ARAP1: variants seen among roughly 807,000 people sequenced by gnomAD.
The protein encoded by ARAP1 is ArfGAP with RhoGAP domain, ankyrin repeat and PH domain 1.
A neutral mutation model predicts 172.2 loss-of-function variants in ARAP1; 76 were observed. The ratio of observed to expected loss-of-function variants is 0.44; its 90% confidence interval spans 0.37 to 0.53. The LOEUF (loss-of-function observed/expected upper bound fraction) is 0.53, where lower values mean the gene tolerates loss of function less well. Among genes scored for constraint, ARAP1 ranks in the 20% least tolerant of loss-of-function variants. The probability of loss-of-function intolerance (pLI) is 0.00; values close to 1 mark genes in which losing one functional copy is unlikely to be tolerated. For synonymous variants in ARAP1, 804 were observed against 803.3 expected, an observed-to-expected ratio of 1.00 and a Z score of -0.01; for missense variants, 1,686 against 1,977.5, an observed-to-expected ratio of 0.85 and a Z score of 2.80.
At position 72,712,295 on chromosome 11, in the gene ARAP1, G is replaced by A; in HGVS notation, c.923C>T (p.Thr308Ile). 6.3e-7 allele frequency: 1 copy of A among 1,586,356 alleles called. No individual in the cohort carries two copies. The highest frequency in any genetic ancestry group is 8.6e-7 in the Non-Finnish European group (1 of 1,163,972). ...TSSLSLSLPSTIAAPHPMDGP... is the reference protein window; with the variant it reads ...TSSLSLSLPSIIAAPHPMDGP... ...GTCCATGGGGTGTGGCGCAGCTATT[G>A]TGCTGGGCAAGGACAAGCTCAGGCT... Residue 308 changes from threonine (T) to isoleucine (I), a missense_variant, in exon 7 of 35, where the codon ACA becomes ATA. Thr to Ile is a moderately conservative substitution (Grantham distance 89, BLOSUM62 -1). Around this residue, in one of 5 missense-constraint regions of ARAP1, gnomAD observed 688 missense variants for 856.9 expected, o/e 0.80. Transcript: ENST00000393609.
intron 12 of ARAP1, 35 bp from the exon 13 acceptor site, chr11:72,705,925 G>GC (rs747911774): frequency 6.2e-6 from 10 of 1,608,278 alleles, no homozygotes; most frequent in East Asian, 2.2e-5. Context: ...AATCACCTGG[G>GC]CCCCCCCTTC....
At chr11:72,687,596 C>T in intron 32 of ARAP1, 92 bp downstream of exon 32, 2 of 1,612,270 alleles carry the variant, frequency 1.2e-6, no homozygotes, top group Non-Finnish European at 8.5e-7. Context: ...TGCTAGTGGT[C>T]ACAGATCTGG....
At chr11:72,720,573 C>A (rs1857465850) in intron 3 of ARAP1, among the ~76,000 whole-genome samples, 1 of 152,128 alleles carries the variant, frequency 6.6e-6, no homozygotes, top group South Asian at 2.1e-4. Context: ...ATGACCACCA[C>A]CCTACTCGCA....
intron 2 of ARAP1, among the ~76,000 whole-genome samples, 173 bp downstream of exon 2, chr11:72,732,342 T>A (rs1201202728): frequency 6.6e-6 from 1 of 152,180 alleles, no homozygotes; most frequent in African/African-American, 2.4e-5. Context: ...CAAGGCCTGC[T>A]GGGAGGCTCG....
rs1857003198 is a variant in ARAP1, at chr11:72,711,351, G to A, written c.1092+79C>T. ...GAACTCTGGCGAGGACTCCTCTGGG[G>A]AGGGACGCCACCTCGCTCCAGTGTT... On this transcript the variant is annotated intron_variant, in intron 8 of 34. Coordinates refer to ENST00000393609, the MANE Select transcript of ARAP1 (RefSeq NM_001040118.3). The A allele has an allele frequency of 9.1e-6, 14 of 1,540,256 alleles. No individual in the cohort carries two copies. The East Asian group carries it at 3.0e-4, about 32-fold the overall frequency.
At position 72,687,450 on chromosome 11, in the gene ARAP1, G is replaced by T. The variant is rs1473956406; in HGVS notation, c.4174C>A (p.Leu1392Met). The change falls in exon 33 of 35, where the codon CTG (leucine) becomes ATG (methionine). Residue 1392 changes from leucine to methionine, a missense_variant. Coordinates refer to ENST00000393609, the MANE Select transcript of ARAP1 (RefSeq NM_001040118.3). Reference sequence around the variant, plus strand: ...TCTGCACCTGGTACCTGCACAAACAGAAAGGTAGCGAACCACTCCCGGAGC... The same window carrying T: ...TCTGCACCTGGTACCTGCACAAACATAAAGGTAGCGAACCACTCCCGGAGC... ...MELREWFATF[L>M]FVQHDGLVWP... is the part of the protein sequence containing the mutation. The T allele has an allele frequency of 6.2e-7, 1 of 1,614,196 alleles. No homozygotes were observed. Among genetic ancestry groups the T allele is most frequent in the East Asian group, 2.2e-5 (1 of 44,876 alleles).
chr11:72,712,760 C>T, intron 5 of ARAP1, 192 bp from the exon 6 acceptor site: 2 of 910,776 alleles, frequency 2.2e-6, no homozygotes, highest in Non-Finnish European at 3.3e-6. Context: ...GACAGGAGAG[C>T]CAGTGGCAGA....
chr11:72,739,336 G>A (rs538258344), intron 1 of ARAP1, among the ~76,000 whole-genome samples: 1 of 152,306 alleles, frequency 6.6e-6, no homozygotes, highest in Admixed American at 6.5e-5. Context: ...TGGCCCATGT[G>A]TGGTGTGGCC....
chr11:72,731,531 C>CAGAT, intron 2 of ARAP1, among the ~76,000 whole-genome samples: 1 of 152,350 alleles, frequency 6.6e-6, no homozygotes, highest in Admixed American at 6.5e-5. Context: ...AGAAGCTGAG[C>CAGAT]AGATGCTGGT....
Position 72,733,003 on chromosome 11 carries a change from GA to G in ARAP1, c.-127-407del, listed in dbSNP as rs201756669. 8.0e-3 allele frequency among the ~76,000 whole-genome samples: 1,214 copies of G among 152,028 alleles called. 18 individuals carry two copies. Among genetic ancestry groups the G allele is most frequent in the African/African-American group, 0.027 (1,139 of 41,460 alleles). ...GTCTCAAAAAAAAGAAAAGAAAAAA[GA>G]AGAGATGGGGAAGAGGTGGAAGAAG... On this transcript the variant is annotated intron_variant, in intron 1 of 34. Transcript: ENST00000393609.
At chr11:72,729,686 A>G (rs1258695590) in intron 2 of ARAP1, among the ~76,000 whole-genome samples, 2 of 151,944 alleles carry the variant, frequency 1.3e-5, no homozygotes, top group Non-Finnish European at 2.9e-5. Context: ...GGGAGGCTAA[A>G]GCAAGAGGAC....
chr11:72,727,067 T>G lies in ARAP1; in HGVS notation c.62A>C (p.Glu21Ala). 1 of 1,601,170 alleles carries G rather than the reference T, an allele frequency of 6.2e-7. No individual in the cohort carries two copies. Among genetic ancestry groups the G allele is most frequent in the South Asian group, 1.1e-5 (1 of 90,782 alleles). ...VAEWLRALHL[E>A]QYTGLFEQHG... ...CTGCTCAAAGAGCCCCGTGTACTGCTCCAGGTGCAATGCCCGCAGCCACTC... is the reference window on the plus strand; with the variant it reads ...CTGCTCAAAGAGCCCCGTGTACTGCGCCAGGTGCAATGCCCGCAGCCACTC... Residue 21 changes from glutamate (E) to alanine (A), a missense_variant, in exon 3 of 35, where the codon GAG (glutamate) becomes GCG (alanine). Coordinates refer to ENST00000393609, the MANE Select transcript of ARAP1 (RefSeq NM_001040118.3).
intron 1 of ARAP1, among the ~76,000 whole-genome samples, chr11:72,748,499 T>G (rs1480660151): frequency 6.7e-6 from 1 of 149,596 alleles, no homozygotes; most frequent in Non-Finnish European, 1.5e-5. Context: ...GAGCCTGGGC[T>G]ACAGAGCAAG....
chr11:72,728,383 C>T (rs1197610176), intron 2 of ARAP1, among the ~76,000 whole-genome samples: 1 of 152,154 alleles, frequency 6.6e-6, no homozygotes, highest in Non-Finnish European at 1.5e-5. Context: ...GAGTTTCAGA[C>T]CAGCCTGGGC....
chr11:72,727,269 G>C (rs1385002766), intron 2 of ARAP1, 97 bp from the exon 3 acceptor site: 23 of 1,113,620 alleles, frequency 2.1e-5, no homozygotes, highest in Non-Finnish European at 2.6e-5. Context: ...ATAGGTTCAA[G>C]TTCTGTCCTG....
chr11:72,704,097 G>A, intron 14 of ARAP1, 55 bp downstream of exon 14: 1 of 1,606,098 alleles, frequency 6.2e-7, no homozygotes, highest in Non-Finnish European at 8.5e-7. Context: ...TGAGGAACAG[G>A]GCAGCAGAAA....
intron 3 of ARAP1, among the ~76,000 whole-genome samples, chr11:72,714,959 C>T (rs1857211405): frequency 6.6e-6 from 1 of 152,246 alleles, no homozygotes; most frequent in Non-Finnish European, 1.5e-5. Context: ...GGAACCCTCC[C>T]CTGATTCTCC....
At position 72,686,025 on chromosome 11, in the gene ARAP1, C is replaced by T; in HGVS notation, c.4335+17G>A. On this transcript the variant is annotated intron_variant, in intron 34 of 34. Transcript: ENST00000393609. Reference sequence around the variant, plus strand: ...AGGCCCCCAGCCCCCTGCCCAAAGGCATGGAGAGCCACTCACAGACAGAGG... The same window carrying T: ...AGGCCCCCAGCCCCCTGCCCAAAGGTATGGAGAGCCACTCACAGACAGAGG... 1 of 1,613,940 alleles carries T rather than the reference C, an allele frequency of 6.2e-7. No individual in the cohort carries two copies. The highest frequency in any genetic ancestry group is 1.1e-5 in the South Asian group (1 of 91,084).
At chr11:72,734,068 C>T (rs893249979) in intron 1 of ARAP1, among the ~76,000 whole-genome samples, 1 of 152,084 alleles carries the variant, frequency 6.6e-6, no homozygotes, top group Non-Finnish European at 1.5e-5. Flanking sequence ...TCAAGTGATC[C>T]ACCCACCTCA....
Sources: gnomAD v4.1 joint callset for allele counts (sites outside exome capture counted in the v4.1 genomes callset) on GRCh38, gnomAD v4.1.1 for gene constraint, gnomAD v4.1.1 regional missense constraint, MANE v1.5 for transcripts, NCBI Gene and HGNC (gene_info 2026-07-23, HGNC 2026-07-21) for gene names.